CNST: variants seen among roughly 807,000 people sequenced by gnomAD.
CNST encodes the protein consortin, connexin sorting protein.
A neutral mutation model predicts 72.4 loss-of-function variants in CNST; 39 were observed. That is an observed-to-expected ratio of 0.54 (90% confidence interval 0.42 to 0.70). The LOEUF is 0.70. Among genes scored for constraint, CNST ranks in the 30% least tolerant of loss-of-function variants. CNST has a pLI of 0.00. For missense variants in CNST, 871 were observed against 868.5 expected (o/e 1.00, Z -0.04); for synonymous variants, 332 against 320.1 (o/e 1.04, Z -0.40).
intron 2 of CNST, among the ~76,000 whole-genome samples, chr1:246,614,512 ATT>A (rs147741779): frequency 0.42 from 60,074 of 141,414 alleles, 12,572 homozygotes; most frequent in East Asian, 0.65. Context: ...ACTGCAATAA[ATT>A]TTTTTTTTTT....
chr1:246,645,940 C>G (rs1413518742), intron 8 of CNST, among the ~76,000 whole-genome samples: 3 of 152,118 alleles, frequency 2.0e-5, no homozygotes, highest in East Asian at 3.9e-4. Flanking sequence ...CCCATTTCTA[C>G]TTGTTGCAAA....
rs1666150619 is a variant in CNST at position 246,647,266 on chromosome 1, AG to A, written c.1067del (p.Gly356GlufsTer16). 1 of 1,614,066 alleles carries A rather than the reference AG, an allele frequency of 6.2e-7. No homozygotes were observed. Among genetic ancestry groups the A allele is most frequent in the Non-Finnish European group, 8.5e-7 (1 of 1,180,042 alleles). ...TDSPSLSVTA[G>X]KDHMEELLCS... ...ATTCCCCAAGCCTTTCGGTAACTGC[AG>A]GAAAGGACCACATGGAGGAGCTGCT... On this transcript the variant is annotated frameshift_variant, in exon 9 of 11. Transcript: ENST00000366513. LOFTEE classifies it high-confidence loss of function.
At chr1:246,627,649 T>A (rs1426156270) in intron 3 of CNST, among the ~76,000 whole-genome samples, 1 of 152,168 alleles carries the variant, frequency 6.6e-6, no homozygotes, top group Non-Finnish European at 1.5e-5. Context: ...GGGAGAGGCT[T>A]TTCTATCATT....
In CNST at chr1:246,647,540, A is replaced by G. The variant is rs1666176867; in HGVS notation, c.1339A>G (p.Ile447Val). The part of the protein sequence containing the change: ...PGCDRIPPAL[I>V]SEGKYSQAQR... The stretch of plus-strand genomic sequence containing the variant: ...CTGTGACCGTATACCTCCTGCATTG[A>G]TTTCTGAGGGTAAATATTCACAGGC... The change falls in exon 9 of 11, where the codon ATT (isoleucine) becomes GTT (valine). Residue 447 changes from isoleucine (I) to valine (V), a missense_variant. Coordinates refer to ENST00000366513, the MANE Select transcript of CNST (RefSeq NM_152609.3). 1 of 1,614,066 alleles carries G rather than the reference A, an allele frequency of 6.2e-7. No individual in the cohort carries two copies. Among genetic ancestry groups the G allele is most frequent in the African/African-American group, 1.3e-5 (1 of 74,920 alleles).
intron 2 of CNST, among the ~76,000 whole-genome samples, chr1:246,604,608 C>T (rs903291227): frequency 3.3e-5 from 5 of 151,648 alleles, no homozygotes; most frequent in African/African-American, 1.2e-4. Flanking sequence ...ATTAGGCTCT[C>T]CCCCTTCTCC....
chr1:246,603,046 T>A (rs1662416691), intron 2 of CNST, among the ~76,000 whole-genome samples: 1 of 152,178 alleles, frequency 6.6e-6, no homozygotes, highest in Non-Finnish European at 1.5e-5. Flanking sequence ...GAGTTAGGTA[T>A]TTTTTAAGTA....
chr1:246,615,323 G>C (rs993626051), intron 2 of CNST, among the ~76,000 whole-genome samples: 54 of 152,146 alleles, frequency 3.5e-4, no homozygotes, highest in Admixed American at 2.5e-3. Context: ...CTACAGGCGC[G>C]TGCCACCAGG....
intron 10 of CNST, among the ~76,000 whole-genome samples, chr1:246,661,656 A>G (rs1336851400): frequency 6.6e-6 from 1 of 152,204 alleles, no homozygotes; most frequent in Non-Finnish European, 1.5e-5. Flanking sequence ...ATGGTTGCAA[A>G]TATGTTTATC....
rs1393288884 is a variant in CNST, at chr1:246,641,761, C to T, written c.831C>T (p.Ser277=). ...ICATHQDPLL[S]KHKIAAVEKS... Reference sequence around the variant, plus strand: ...TTTTTTCCTACAGTCCTCTTTTATCCAAACATAAGGTAAGAGATTGTTTCT... The same window carrying T: ...TTTTTTCCTACAGTCCTCTTTTATCTAAACATAAGGTAAGAGATTGTTTCT... The change falls in exon 7 of 11, where the codon TCC becomes TCT. Residue 277 remains serine (S), a synonymous_variant. Transcript: ENST00000366513. 7.3e-7 allele frequency: 1 copy of T among 1,361,138 alleles called. No homozygotes were observed. The highest frequency in any genetic ancestry group is 1.2e-5 in the South Asian group (1 of 81,686). The allele number at this position is 1,361,138 out of a possible 1,614,324, so 84.3% of individuals were successfully genotyped here. A position where few individuals can be genotyped will look rare whatever the true frequency, so the allele number is the denominator to read the frequency against.
intron 10 of CNST, among the ~76,000 whole-genome samples, chr1:246,662,278 T>C (rs995597904): frequency 3.3e-5 from 5 of 152,270 alleles, no homozygotes; most frequent in South Asian, 2.1e-4. Context: ...TTCTTCCTTC[T>C]GTAAGCCAAT....
chr1:246,585,596 A>T (rs954095811), intron 1 of CNST, among the ~76,000 whole-genome samples: 1 of 149,630 alleles, frequency 6.7e-6, no homozygotes, highest in African/African-American at 2.5e-5. Flanking sequence ...CAGTGAGCCA[A>T]GATCACACCA....
At chr1:246,652,826 A>G (rs984426179) in intron 9 of CNST, among the ~76,000 whole-genome samples, 14 of 150,678 alleles carry the variant, frequency 9.3e-5, no homozygotes, top group Admixed American at 8.6e-4. Flanking sequence ...AACACGGTGA[A>G]ACCCCGTCTC....
At chr1:246,593,734 A>G (rs1433655175) in intron 2 of CNST, among the ~76,000 whole-genome samples, 1 of 152,068 alleles carries the variant, frequency 6.6e-6, no homozygotes, top group East Asian at 1.9e-4. Flanking sequence ...TTCAAGGGCA[A>G]ATTCACCAGG....
rs1209697071 is a variant in CNST, at chr1:246,667,234, T to C, written c.*1329T>C. On this transcript the variant is annotated 3_prime_UTR_variant, in exon 11 of 11. Coordinates refer to ENST00000366513, the MANE Select transcript of CNST (RefSeq NM_152609.3). ...TTGAAAGAAAAAGGGAGAACTTACTTTCTAGTTGTTACTGGCTGGCACAGT... is the reference window on the plus strand; with the variant it reads ...TTGAAAGAAAAAGGGAGAACTTACTCTCTAGTTGTTACTGGCTGGCACAGT... The C allele has an allele frequency of 2.0e-5, 3 of 152,218 alleles. No individual in the cohort carries two copies. The highest frequency in any genetic ancestry group is 7.2e-5 in the African/African-American group (3 of 41,458). 9.4% of individuals were successfully genotyped at this position (152,218 alleles called of 1,614,324 possible).
chr1:246,568,049 C>G (rs2102995742), intron 1 of CNST, among the ~76,000 whole-genome samples: 1 of 151,810 alleles, frequency 6.6e-6, no homozygotes. Flanking sequence ...GCCTGTAATC[C>G]CAGCACTTTG....
intron 2 of CNST, among the ~76,000 whole-genome samples, chr1:246,596,738 C>T (rs1487261811): frequency 6.6e-6 from 1 of 152,210 alleles, no homozygotes; most frequent in East Asian, 1.9e-4. Context: ...TCCACTTAGA[C>T]ATCCTAACCT....
chr1:246,659,680 T>A lies in CNST; in HGVS notation c.1837-519T>A, dbSNP rs114705805. 2.8e-3 allele frequency among the ~76,000 whole-genome samples: 433 copies of A among 152,328 alleles called. 2 individuals carry two copies. The highest frequency in any genetic ancestry group is 9.6e-3 in the African/African-American group (401 of 41,584). ...ATATTGTGAGCAGTAGAGCATTATT[T>A]AGTAAATGCGTAGTTTCTCAGAGAA... On this transcript the variant is annotated intron_variant, in intron 9 of 10. Transcript: ENST00000366513.
chr1:246,664,625 A>T (rs1209269103), intron 10 of CNST, among the ~76,000 whole-genome samples: 1 of 151,826 alleles, frequency 6.6e-6, no homozygotes, highest in Non-Finnish European at 1.5e-5. Context: ...ACGGGGTTTC[A>T]CCGTGTCAGC....
At chr1:246,636,832 G>C (rs1665290903) in intron 6 of CNST, among the ~76,000 whole-genome samples, 1 of 152,180 alleles carries the variant, frequency 6.6e-6, no homozygotes, top group African/African-American at 2.4e-5. Context: ...ACTATGGTGA[G>C]TGAAGGACTG....
Sources: allele counts gnomAD v4.1 joint callset (sites outside exome capture counted in the v4.1 genomes callset), GRCh38; gene constraint gnomAD v4.1.1; transcripts MANE v1.5; gene names NCBI Gene and HGNC (gene_info 2026-07-23, HGNC 2026-07-21).